RPSA2: variants seen among roughly 807,000 people sequenced by gnomAD.
RPSA2 encodes the protein ribosomal protein SA 2.
chr19:23,770,641 G>A, the RPSA2 span, among the ~76,000 whole-genome samples: 28 of 152,204 alleles, frequency 1.8e-4, no homozygotes, highest in South Asian at 6.2e-4. Context: ...AGATTGTGAC[G>A]AATCACCGGT....
At chr19:23,830,140 A>G in the RPSA2 span, among the ~76,000 whole-genome samples, 1 of 151,608 alleles carries the variant, frequency 6.6e-6, no homozygotes, top group East Asian at 1.9e-4. Flanking sequence ...TCATGACTCC[A>G]TAACATAGTT....
At chr19:23,800,877 G>C in the RPSA2 span, among the ~76,000 whole-genome samples, 1 of 152,152 alleles carries the variant, frequency 6.6e-6, no homozygotes. Context: ...CCCCCAAAGT[G>C]CTGGGATTAC....
chr19:23,804,888 A>G, the RPSA2 span, among the ~76,000 whole-genome samples: 4 of 152,002 alleles, frequency 2.6e-5, no homozygotes, highest in East Asian at 5.8e-4. Flanking sequence ...GAAAGCATCT[A>G]TTTGTTTTAA....
chr19:23,789,956 G>T, the RPSA2 span, among the ~76,000 whole-genome samples: 6,537 of 152,066 alleles, frequency 0.043, 207 homozygotes, highest in South Asian at 0.16. Flanking sequence ...GGTATTACAG[G>T]CATGAGCCAC....
the RPSA2 span, among the ~76,000 whole-genome samples, chr19:23,845,828 G>A: frequency 6.7e-6 from 1 of 149,320 alleles, no homozygotes; most frequent in African/African-American, 2.4e-5. Context: ...TGACTGTTTG[G>A]GATCATGTTG....
the RPSA2 span, among the ~76,000 whole-genome samples, chr19:23,825,944 G>C: frequency 6.6e-6 from 1 of 150,570 alleles, no homozygotes; most frequent in African/African-American, 2.4e-5. Flanking sequence ...TATGATTTCT[G>C]TGTGGGAGAA....
chr19:23,820,170 G>T, the RPSA2 span, among the ~76,000 whole-genome samples: 15 of 152,154 alleles, frequency 9.9e-5, no homozygotes, highest in African/African-American at 3.4e-4. Flanking sequence ...CAGGGTCCTG[G>T]TGGGCCCCTG....
At chr19:23,770,640 C>T in the RPSA2 span, among the ~76,000 whole-genome samples, 8 of 152,176 alleles carry the variant, frequency 5.3e-5, no homozygotes, top group South Asian at 2.1e-4. Flanking sequence ...AAGATTGTGA[C>T]GAATCACCGG....
chr19:23,845,049 G>A, the RPSA2 span, among the ~76,000 whole-genome samples: 1 of 146,738 alleles, frequency 6.8e-6, no homozygotes, highest in Non-Finnish European at 1.5e-5. Context: ...GTTTATGAGT[G>A]TCTAGTTGTT....
At chr19:23,759,143 T>G in the RPSA2 span, among the ~76,000 whole-genome samples, 1 of 152,128 alleles carries the variant, frequency 6.6e-6, no homozygotes, top group Non-Finnish European at 1.5e-5. Context: ...ACCTTCTGTG[T>G]AAGGTCACAT....
the RPSA2 span, among the ~76,000 whole-genome samples, chr19:23,870,724 T>G: frequency 6.6e-6 from 1 of 152,296 alleles, no homozygotes; most frequent in East Asian, 1.9e-4. Context: ...ATCAGATGGA[T>G]TGCCAATCAG....
At chr19:23,844,718 T>TA in the RPSA2 span, among the ~76,000 whole-genome samples, 1 of 151,630 alleles carries the variant, frequency 6.6e-6, no homozygotes. Flanking sequence ...ATAATAATAA[T>TA]ATAATAACAA....
the RPSA2 span, chr19:23,782,163 A>G: frequency 1.3e-5 from 2 of 152,256 alleles, no homozygotes; most frequent in South Asian, 4.1e-4. Context: ...ATTGTACTGT[A>G]TGTCTTCACC....
At chr19:23,844,976 C>T in the RPSA2 span, among the ~76,000 whole-genome samples, 1 of 148,370 alleles carries the variant, frequency 6.7e-6, no homozygotes. Flanking sequence ...TCAGTTTCTT[C>T]CTGGCTCTAT....
chr19:23,763,693 C>T, the RPSA2 span, among the ~76,000 whole-genome samples: 2 of 152,276 alleles, frequency 1.3e-5, no homozygotes, highest in Admixed American at 6.5e-5. Context: ...TCTGGAACTC[C>T]TGGCCTCAAG....
At chr19:23,864,738 C>T in the RPSA2 span, among the ~76,000 whole-genome samples, 1 of 152,092 alleles carries the variant, frequency 6.6e-6, no homozygotes, top group African/African-American at 2.4e-5. Flanking sequence ...TAAATGCACG[C>T]ATATGCTTAG....
chr19:23,762,185 G>T, the RPSA2 span, among the ~76,000 whole-genome samples: 2 of 150,270 alleles, frequency 1.3e-5, no homozygotes, highest in Non-Finnish European at 3.0e-5. Context: ...CAAAGTGCCG[G>T]GATTACAGGC....
At chr19:23,787,819 CT>C in the RPSA2 span, among the ~76,000 whole-genome samples, 841 of 152,186 alleles carry the variant, frequency 5.5e-3, 6 homozygotes, top group African/African-American at 0.019. Flanking sequence ...AGCGATATTA[CT>C]TTTTTTTCTT....
At chr19:23,783,604 T>A in the RPSA2 span, among the ~76,000 whole-genome samples, 7 of 151,488 alleles carry the variant, frequency 4.6e-5, no homozygotes, top group African/African-American at 1.7e-4. Context: ...ATGACTTTAC[T>A]CACTTGCCTG....
Sources: gnomAD v4.1 joint callset for allele counts (sites outside exome capture counted in the v4.1 genomes callset) on GRCh38, gnomAD v4.1.1 for gene constraint, MANE v1.5 for transcripts, NCBI Gene and HGNC (gene_info 2026-07-23, HGNC 2026-07-21) for gene names.